MGAT4D: variants seen among roughly 807,000 people sequenced by gnomAD.
MGAT4D encodes the protein MGAT4 family member D.
Under a neutral mutation model 15.9 loss-of-function variants are expected in MGAT4D, and 34 were observed. That is an observed-to-expected ratio of 2.14 (90% CI 1.62 to 2.84). MGAT4D has a LOEUF of 2.84. MGAT4D is among the 30% of genes most tolerant of loss of function. The pLI, the probability that MGAT4D is intolerant of heterozygous loss-of-function variation, is 0.00. For synonymous variants in MGAT4D, 112 were observed against 48.2 expected (o/e 2.33, Z -5.49); for missense variants, 327 against 140.2 (o/e 2.33, Z -6.73).
At position 140,482,432 on chromosome 4, in the gene MGAT4D, GC is replaced by G; in HGVS notation, c.147del (p.Met49IlefsTer4). On this transcript the variant is annotated frameshift_variant, in exon 2 of 11. Transcript: ENST00000511113. LOFTEE classifies it high-confidence loss of function. The part of the protein sequence containing the change: ...RNHILEFKEN[M>X]LHLRNKTEKN... Reference sequence around the variant, plus strand: ...TTTTCAGTTTTGTTTCTTAAGTGTAGCATATTTTCTTTAAACTCCAAAATAT... The same window carrying G: ...TTTTCAGTTTTGTTTCTTAAGTGTAGATATTTTCTTTAAACTCCAAAATAT... 4.7e-6 allele frequency: 3 copies of G among 634,062 alleles called. No individual in the cohort carries two copies. The highest frequency in any genetic ancestry group is 3.6e-5 in the South Asian group (2 of 55,228). The allele number at this position is 634,062 out of a possible 1,614,324, so 39.3% of individuals were successfully genotyped here.
intron 7 of MGAT4D, among the ~76,000 whole-genome samples, chr4:140,461,190 G>A (rs976929513): frequency 6.6e-6 from 1 of 152,132 alleles, no homozygotes; most frequent in Non-Finnish European, 1.5e-5. Context: ...GTTTCAAATT[G>A]GGAAGAGTAC....
intron 9 of MGAT4D, among the ~76,000 whole-genome samples, chr4:140,454,011 T>G (rs996925757): frequency 2.9e-5 from 4 of 139,510 alleles, no homozygotes; most frequent in Non-Finnish European, 6.2e-5. Context: ...TTCTAGGATG[T>G]ATGTGTGTGT....
chr4:140,472,258 C>T lies in MGAT4D; in HGVS notation c.526-437G>A, dbSNP rs1182293652. Among the ~76,000 whole-genome samples, 3 of 152,060 alleles carry T rather than the reference C, an allele frequency of 2.0e-5. No individual in the cohort carries two copies. The East Asian group carries it at 5.8e-4, about 29-fold the overall frequency. On this transcript the variant is annotated intron_variant, in intron 4 of 10. Coordinates refer to ENST00000511113, the MANE Select transcript of MGAT4D (RefSeq NM_001277353.2). ...ACTTCAAAATTACATCATATTTCTC[C>T]AGACAGTATTACTCAGCTTGATTCC...
intron 8 of MGAT4D, chr4:140,458,677 A>C: frequency 6.6e-6 from 1 of 152,236 alleles, no homozygotes; most frequent in East Asian, 1.9e-4. Context: ...CAACATGCTG[A>C]TAATTTAGAA....
intron 1 of MGAT4D, among the ~76,000 whole-genome samples, chr4:140,489,677 G>C (rs1401070165): frequency 2.0e-5 from 3 of 151,998 alleles, no homozygotes; most frequent in African/African-American, 7.3e-5. Flanking sequence ...TTATATTGAC[G>C]AATCAAGCTG....
intron 4 of MGAT4D, among the ~76,000 whole-genome samples, chr4:140,474,200 T>A (rs1200975181): frequency 1.3e-5 from 2 of 152,152 alleles, no homozygotes; most frequent in Non-Finnish European, 2.9e-5. Context: ...ATCTTTGGGG[T>A]CATTAGAGAG....
chr4:140,482,467 C>A lies in MGAT4D; in HGVS notation c.113G>T (p.Cys38Phe). The part of the protein sequence containing the change: ...ITQTNNQLIN[C>F]RNHILEFKEN... Reference sequence around the variant, plus strand: ...TTTAAACTCCAAAATATGGTTTCTACAGTTAATTAATTGATTATCTGCAAT... The same window carrying A: ...TTTAAACTCCAAAATATGGTTTCTAAAGTTAATTAATTGATTATCTGCAAT... The change falls in exon 2 of 11, where the codon TGT becomes TTT. Residue 38 changes from cysteine (C) to phenylalanine (F), a missense_variant. Cys to Phe is a radical substitution (Grantham distance 205). Coordinates refer to ENST00000511113, the MANE Select transcript of MGAT4D (RefSeq NM_001277353.2). 1 of 632,166 alleles carries A rather than the reference C, an allele frequency of 1.6e-6. No individual in the cohort carries two copies. The highest frequency in any genetic ancestry group is 2.8e-6 in the Non-Finnish European group (1 of 360,468). The allele number at this position is 632,166 out of a possible 1,614,324, so 39.2% of individuals were successfully genotyped here. A position where few individuals can be genotyped will look rare whatever the true frequency, so the allele number is the denominator to read the frequency against.
At chr4:140,498,081 G>GA in intron 1 of MGAT4D, 48 bp downstream of exon 1, 1 of 692,552 alleles carries the variant, frequency 1.4e-6, no homozygotes, top group Middle Eastern at 2.3e-4. Context: ...CTGCAGCCCC[G>GA]AAGCCCCCGC....
Position 140,476,638 on chromosome 4 carries a change from C to T in MGAT4D, c.392-1692G>A, listed in dbSNP as rs191031095. ...CTTAGTGACCTGGTACTGATCTATC[C>T]CTTTTTTTCAACTACCCACACTTTT... On this transcript the variant is annotated intron_variant, in intron 3 of 10. Transcript: ENST00000511113. 2.6e-4 allele frequency among the ~76,000 whole-genome samples: 40 copies of T among 152,258 alleles called. 1 individual carries two copies. Among genetic ancestry groups the T allele is most frequent in the Admixed American group, 1.9e-3 (29 of 15,282 alleles).
At chr4:140,443,894 G>A (rs1729924983) in intron 10 of MGAT4D, among the ~76,000 whole-genome samples, 1 of 151,738 alleles carries the variant, frequency 6.6e-6, no homozygotes, top group South Asian at 2.1e-4. Context: ...TTTAAAATGA[G>A]GACTGAAGAA....
At position 140,484,720 on chromosome 4, in the gene MGAT4D, C is replaced by T. The variant is rs561220656; in HGVS notation, c.95-2235G>A. Among the ~76,000 whole-genome samples the T allele has an allele frequency of 2.4e-4, 37 of 152,248 alleles. No homozygotes were observed. The East Asian group carries it at 6.9e-3, about 29-fold the overall frequency. On this transcript the variant is annotated intron_variant, in intron 1 of 10. Coordinates refer to ENST00000511113, the MANE Select transcript of MGAT4D (RefSeq NM_001277353.2). The stretch of plus-strand genomic sequence containing the variant: ...AAATTTACAAGAAAAAAACAAACAA[C>T]CCCATCAAAAAGTGGGCAAAGGATA...
intron 1 of MGAT4D, among the ~76,000 whole-genome samples, chr4:140,482,900 T>A (rs1404600814): frequency 3.3e-5 from 5 of 152,118 alleles, no homozygotes; most frequent in Non-Finnish European, 1.5e-5. Context: ...TGTACACAGA[T>A]TTGGACTAAG....
At chr4:140,473,422 A>ATT (rs898944914) in intron 4 of MGAT4D, among the ~76,000 whole-genome samples, 1 of 152,162 alleles carries the variant, frequency 6.6e-6, no homozygotes, top group African/African-American at 2.4e-5. Flanking sequence ...TCCTGAAATA[A>ATT]TTATTTATTG....
At position 140,451,585 on chromosome 4, in the gene MGAT4D, G is replaced by A. The variant is rs1730477937; in HGVS notation, c.1009-68C>T. ...TTGCTTTGTATTGCGTTTACTGATG[G>A]TAGAATTTTTATATATTAGTTTTTG... On this transcript the variant is annotated intron_variant, in intron 9 of 10. Coordinates refer to ENST00000511113, the MANE Select transcript of MGAT4D (RefSeq NM_001277353.2). 6 of 419,492 alleles carry A rather than the reference G, an allele frequency of 1.4e-5. No individual in the cohort carries two copies. The South Asian group carries it at 3.5e-4, about 25-fold the overall frequency. The allele number at this position is 419,492 out of a possible 1,614,324, so 26.0% of individuals were successfully genotyped here.
chr4:140,452,010 AAAG>A (rs78563312), intron 9 of MGAT4D, among the ~76,000 whole-genome samples: 26 of 150,896 alleles, frequency 1.7e-4, no homozygotes, highest in African/African-American at 6.4e-4. Context: ...AAAAAAAAAA[AAAG>A]AAGGATGACC....
rs1418355761 is a variant in MGAT4D at position 140,443,142 on chromosome 4, GATT to G, written c.*291_*293del. The G allele has an allele frequency of 5.7e-6, 1 of 174,712 alleles. No homozygotes were observed. The highest frequency in any genetic ancestry group is 1.2e-5 in the Non-Finnish European group (1 of 83,746). The allele number at this position is 174,712 out of a possible 1,614,324, so 10.8% of individuals were successfully genotyped here. A position where few individuals can be genotyped will look rare whatever the true frequency, so the allele number is the denominator to read the frequency against. The stretch of plus-strand genomic sequence containing the variant: ...TTTCGAACTTTTAACTGTTTATTGA[GATT>G]ATGTGATGGTCTCACTATCGAAGTC... On this transcript the variant is annotated 3_prime_UTR_variant, in exon 11 of 11. Transcript: ENST00000511113.
chr4:140,483,595 C>T (rs549325253), intron 1 of MGAT4D, among the ~76,000 whole-genome samples: 4 of 152,234 alleles, frequency 2.6e-5, no homozygotes, highest in African/African-American at 9.6e-5. Flanking sequence ...GGAGACATCA[C>T]ACTACCTGAC....
At chr4:140,484,465 T>C (rs1340812149) in intron 1 of MGAT4D, among the ~76,000 whole-genome samples, 2 of 152,204 alleles carry the variant, frequency 1.3e-5, no homozygotes, top group African/African-American at 4.8e-5. Context: ...ATATGGAGGC[T>C]CCTTACCTTC....
intron 1 of MGAT4D, among the ~76,000 whole-genome samples, chr4:140,487,880 G>C (rs944614367): frequency 6.6e-6 from 1 of 152,072 alleles, no homozygotes; most frequent in African/African-American, 2.4e-5. Flanking sequence ...ATAAGTCTCC[G>C]GCATCAGCTG....
Sources: gnomAD v4.1 joint callset for allele counts (sites outside exome capture counted in the v4.1 genomes callset) on GRCh38, gnomAD v4.1.1 for gene constraint, MANE v1.5 for transcripts, NCBI Gene and HGNC (gene_info 2026-07-23, HGNC 2026-07-21) for gene names.